The following CNTN5 variants were observed in gnomAD, a reference collection of about 807,000 sequenced individuals.
The protein encoded by CNTN5 is contactin-5.
In CNTN5, 77 loss-of-function variants were observed where a neutral mutation model predicts 129.1. The ratio of observed to expected loss-of-function variants is 0.60; its 90% CI spans 0.50 to 0.72. The LOEUF is 0.72. Ranked by LOEUF, CNTN5 falls within the 30% of genes least tolerant of loss-of-function variation. The pLI is 0.00. For synonymous variants in CNTN5, 509 were observed against 465.6 expected (o/e 1.09, Z -1.20); for missense variants, 1,478 against 1,328.8 (o/e 1.11, Z -1.75).
At chr11:99,117,034 A>C (rs529022339) in intron 1 of CNTN5, among the ~76,000 whole-genome samples, 1 of 152,242 alleles carries the variant, frequency 6.6e-6, no homozygotes, top group South Asian at 2.1e-4. Flanking sequence ...GACCCAACAA[A>C]AGATAAATAG....
intron 15 of CNTN5, among the ~76,000 whole-genome samples, chr11:100,206,974 C>T (rs868570135): frequency 3.8e-4 from 57 of 151,948 alleles, no homozygotes; most frequent in African/African-American, 5.5e-4. Flanking sequence ...ACTACCCAAC[C>T]AAAAAATAAA....
chr11:99,185,904 A>T (rs1195850587), intron 1 of CNTN5, among the ~76,000 whole-genome samples: 6 of 139,850 alleles, frequency 4.3e-5, no homozygotes, highest in African/African-American at 1.3e-4. Flanking sequence ...GAAATAAAAT[A>T]AAGAGAAATG....
intron 16 of CNTN5, among the ~76,000 whole-genome samples, chr11:100,234,601 A>G (rs932595411): frequency 3.4e-5 from 5 of 149,128 alleles, no homozygotes; most frequent in African/African-American, 1.2e-4. Context: ...ATGAGAACAC[A>G]TGGACACAGG....
chr11:99,197,708 C>T (rs1858974419), intron 1 of CNTN5, among the ~76,000 whole-genome samples: 1 of 152,090 alleles, frequency 6.6e-6, no homozygotes, highest in Non-Finnish European at 1.5e-5. Flanking sequence ...CCTTTGCTTG[C>T]TCTTGAGCCT....
chr11:99,568,871 T>A (rs1206123101), intron 3 of CNTN5, among the ~76,000 whole-genome samples: 1 of 152,236 alleles, frequency 6.6e-6, no homozygotes, highest in Non-Finnish European at 1.5e-5. Context: ...TCATATCTGA[T>A]AATATTTAAC....
At chr11:100,332,803 A>G (rs1356924209) in intron 21 of CNTN5, among the ~76,000 whole-genome samples, 2 of 152,200 alleles carry the variant, frequency 1.3e-5, no homozygotes, top group Non-Finnish European at 2.9e-5. Context: ...ACTTTAAGGT[A>G]ATAAAACCTG....
At chr11:99,498,803 T>C (rs2135375949) in intron 2 of CNTN5, among the ~76,000 whole-genome samples, 1 of 152,318 alleles carries the variant, frequency 6.6e-6, no homozygotes, top group African/African-American at 2.4e-5. Flanking sequence ...GTAAAAGAAA[T>C]AATTTTTCTT....
chr11:99,188,635 A>G (rs1050962831), intron 1 of CNTN5, among the ~76,000 whole-genome samples: 3 of 151,756 alleles, frequency 2.0e-5, no homozygotes, highest in African/African-American at 7.2e-5. Flanking sequence ...CTTTTTATTT[A>G]TAACCATTAA....
intron 13 of CNTN5, among the ~76,000 whole-genome samples, chr11:100,142,698 A>G (rs1565281643): frequency 1.3e-5 from 2 of 152,190 alleles, no homozygotes; most frequent in South Asian, 2.1e-4. Flanking sequence ...TATTCCTGGG[A>G]TGCTACTGTG....
chr11:99,318,581 G>C (rs1259852739), intron 1 of CNTN5, among the ~76,000 whole-genome samples: 1 of 151,814 alleles, frequency 6.6e-6, no homozygotes, highest in Admixed American at 6.6e-5. Flanking sequence ...AATCGGCAAT[G>C]GCAGAGAGGA....
intron 1 of CNTN5, among the ~76,000 whole-genome samples, chr11:99,203,917 G>A (rs1859345923): frequency 6.6e-6 from 1 of 151,968 alleles, no homozygotes; most frequent in Non-Finnish European, 1.5e-5. Flanking sequence ...ATTTCTTAAG[G>A]CAAGTGCCAT....
intron 13 of CNTN5, among the ~76,000 whole-genome samples, chr11:100,105,202 G>A (rs1364376475): frequency 1.3e-5 from 2 of 152,144 alleles, no homozygotes; most frequent in Admixed American, 6.5e-5. Flanking sequence ...CTGCTGAGGG[G>A]GAGAGATAGC....
At chr11:99,762,091 C>T (rs76731990) in intron 3 of CNTN5, among the ~76,000 whole-genome samples, 6,396 of 73,074 alleles carry the variant, frequency 0.088, 206 homozygotes, top group Middle Eastern at 0.17. Flanking sequence ...TCATGTCCTT[C>T]ACCCACTTTT....
chr11:99,837,377 G>T (rs536042961), intron 4 of CNTN5, among the ~76,000 whole-genome samples: 46 of 152,106 alleles, frequency 3.0e-4, no homozygotes, highest in Non-Finnish European at 5.7e-4. Context: ...CTTAGTTGTT[G>T]AATGAAGTGC....
At chr11:99,407,047 G>A (rs1192984362) in intron 2 of CNTN5, among the ~76,000 whole-genome samples, 1 of 152,084 alleles carries the variant, frequency 6.6e-6, no homozygotes, top group East Asian at 1.9e-4. Flanking sequence ...CTATCCCCCT[G>A]TGGCCAAGCG....
At chr11:99,129,079 C>T (rs1858800765) in intron 1 of CNTN5, among the ~76,000 whole-genome samples, 2 of 152,110 alleles carry the variant, frequency 1.3e-5, no homozygotes, top group Admixed American at 6.5e-5. Context: ...CCAGCAAGGC[C>T]ACAGAACGGG....
rs977878642 is a variant in CNTN5, at chr11:100,109,335, C to A, written c.1580+35041C>A. 7.2e-5 allele frequency among the ~76,000 whole-genome samples: 11 copies of A among 151,946 alleles called. No individual in the cohort carries two copies. In the East Asian group the frequency reaches 1.7e-3, roughly 24 times the overall value. ...CAGCTACTCGGGAGGCTGAGGCAGG[C>A]GAATCGCTTGAACCCGGGAGGCGGA... is the stretch of plus-strand genomic sequence containing the variant. On this transcript the variant is annotated intron_variant, in intron 13 of 24. Transcript: ENST00000524871.
At chr11:99,872,309 T>C (rs1302660444) in intron 6 of CNTN5, among the ~76,000 whole-genome samples, 1 of 152,138 alleles carries the variant, frequency 6.6e-6, no homozygotes, top group Non-Finnish European at 1.5e-5. Context: ...TTCATCTGAG[T>C]TATTTTTTAC....
chr11:99,778,369 G>A (rs1315882125), intron 3 of CNTN5, among the ~76,000 whole-genome samples: 1 of 151,752 alleles, frequency 6.6e-6, no homozygotes, highest in African/African-American at 2.4e-5. Context: ...CAGTTAAACT[G>A]TTTTGTGTTT....
Sources: allele counts gnomAD v4.1 joint callset (sites outside exome capture counted in the v4.1 genomes callset), GRCh38; gene constraint gnomAD v4.1.1; transcripts MANE v1.5; gene names NCBI Gene and HGNC (gene_info 2026-07-23, HGNC 2026-07-21).